DCDC2C: variants seen among roughly 807,000 people sequenced by gnomAD.
The protein encoded by DCDC2C is doublecortin domain containing 2C.
In DCDC2C, 44 loss-of-function variants were observed where a neutral mutation model predicts 45.0. The observed-to-expected ratio is 0.98, with a 90% CI of 0.77 to 1.26. The LOEUF (loss-of-function observed/expected upper bound fraction) is 1.26, where lower values mean the gene tolerates loss of function less well. Ranked by LOEUF, DCDC2C falls within the 50% of genes most tolerant of loss-of-function variation. DCDC2C has a pLI of 0.00. For missense variants in DCDC2C, 447 were observed against 468.9 expected (o/e 0.95, Z 0.43); for synonymous variants, 187 against 178.8 (o/e 1.05, Z -0.37).
chr2:3,755,494 A>C (rs1669680310), intron 6 of DCDC2C, among the ~76,000 whole-genome samples: 1 of 147,324 alleles, frequency 6.8e-6, no homozygotes, highest in Non-Finnish European at 1.5e-5. Flanking sequence ...TGTACACAGG[A>C]GTACACGTGT....
At position 3,703,912 on chromosome 2, in the gene DCDC2C, TG is replaced by T; in HGVS notation, c.163del (p.Asp55ThrfsTer46). On this transcript the variant is annotated frameshift_variant, in exon 1 of 11. Transcript: ENST00000399143. LOFTEE classifies it high-confidence loss of function. This position sits in a 1 kb window ranked among gnomAD's most constrained non-coding sequence, Gnocchi z 4.4. ...EALLEQLTEQ[V>X]DVPFGVRRLF... ...CTGCTGGAGCAGCTCACGGAGCAGG[TG>T]GACGTCCCGTTCGGCGTGCGCCGCC... is the stretch of plus-strand genomic sequence containing the variant. 1 of 1,341,612 alleles carries T rather than the reference TG, an allele frequency of 7.5e-7. No homozygotes were observed. Among genetic ancestry groups the T allele is most frequent in the Non-Finnish European group, 9.6e-7 (1 of 1,042,438 alleles). 83.1% of individuals were successfully genotyped at this position (1,341,612 alleles called of 1,614,324 possible). A position where few individuals can be genotyped will look rare whatever the true frequency, so the allele number is the denominator to read the frequency against.
At chr2:3,757,380 T>G (rs1669750044) in intron 6 of DCDC2C, among the ~76,000 whole-genome samples, 1 of 152,228 alleles carries the variant, frequency 6.6e-6, no homozygotes, top group Non-Finnish European at 1.5e-5. Flanking sequence ...CTTGGTGCTG[T>G]GCACATTCTA....
At chr2:3,749,039 T>G (rs755809577) in intron 4 of DCDC2C, among the ~76,000 whole-genome samples, 68 of 152,202 alleles carry the variant, frequency 4.5e-4, no homozygotes, top group Non-Finnish European at 4.6e-4. Flanking sequence ...ATAAATATTT[T>G]AAAATTCTTG....
In DCDC2C at chr2:3,785,084, A is replaced by G. The variant is rs1572615680; in HGVS notation, c.1049A>G (p.Glu350Gly). Reference protein sequence around the residue: ...NKDKEDARLCEDVERKMAREW... With the variant: ...NKDKEDARLCGDVERKMAREW... ...GATAAAGAAGATGCAAGGCTTTGTG[A>G]AGACGTTGAAAGAAAGGTTTGTATC... Residue 350 changes from glutamate to glycine, a missense_variant, in exon 10 of 11, where the codon GAA (glutamate) becomes GGA (glycine). Physicochemically the swap from Glu to Gly is moderately conservative, Grantham distance 98 (BLOSUM62 -2). Transcript: ENST00000399143. The G allele has an allele frequency of 4.9e-6, 6 of 1,231,624 alleles. No homozygotes were observed. The South Asian group carries it at 2.1e-4, about 42-fold the overall frequency. 76.3% of individuals were successfully genotyped at this position (1,231,624 alleles called of 1,614,324 possible).
At chr2:3,846,825 G>A (rs1572657854) in intron 10 of DCDC2C, among the ~76,000 whole-genome samples, 1 of 152,010 alleles carries the variant, frequency 6.6e-6, no homozygotes, top group East Asian at 1.9e-4. Context: ...GTGAGAAGGG[G>A]GAGAAGATGA....
At chr2:3,741,785 A>G (rs1297393591) in intron 3 of DCDC2C, 135 bp from the exon 4 acceptor site, 1 of 937,476 alleles carries the variant, frequency 1.1e-6, no homozygotes, top group Non-Finnish European at 1.5e-6. Context: ...CCAATAAGAC[A>G]TAGTATGAAG....
chr2:3,835,384 AAAG>A, intron 10 of DCDC2C, among the ~76,000 whole-genome samples: 1 of 152,324 alleles, frequency 6.6e-6, no homozygotes, highest in East Asian at 1.9e-4. Context: ...AAATCCTTTA[AAAG>A]AAGAATACAA....
At chr2:3,816,130 TTG>T (rs1671553491) in intron 10 of DCDC2C, among the ~76,000 whole-genome samples, 1 of 152,022 alleles carries the variant, frequency 6.6e-6, no homozygotes, top group Non-Finnish European at 1.5e-5. Flanking sequence ...AGGGGCGATA[TTG>T]TGGGGTTGTT....
intron 1 of DCDC2C, 124 bp from the exon 2 acceptor site, chr2:3,708,425 C>T: frequency 1.5e-6 from 1 of 651,450 alleles, no homozygotes; most frequent in Non-Finnish European, 2.5e-6. Context: ...ATTTTAGATC[C>T]TAGTTCCAAA....
intron 6 of DCDC2C, among the ~76,000 whole-genome samples, chr2:3,763,107 C>T (rs1427062336): frequency 1.3e-5 from 2 of 152,188 alleles, no homozygotes; most frequent in African/African-American, 4.8e-5. Context: ...CCTGGACCAC[C>T]ATTGATGCCC....
At chr2:3,798,415 G>A (rs1215210028) in intron 10 of DCDC2C, among the ~76,000 whole-genome samples, 1 of 151,324 alleles carries the variant, frequency 6.6e-6, no homozygotes, top group Non-Finnish European at 1.5e-5. Flanking sequence ...CTGTCATGAT[G>A]ATGTTAGCTG....
At chr2:3,803,844 A>G (rs1041229556) in intron 10 of DCDC2C, among the ~76,000 whole-genome samples, 2 of 152,202 alleles carry the variant, frequency 1.3e-5, no homozygotes, top group African/African-American at 4.8e-5. Flanking sequence ...TGGCTGGTGC[A>G]GGTCAGCCCC....
At chr2:3,783,599 G>A (rs762959365) in intron 9 of DCDC2C, among the ~76,000 whole-genome samples, 2 of 152,250 alleles carry the variant, frequency 1.3e-5, no homozygotes, top group Admixed American at 6.5e-5. Context: ...TGGTGTCATC[G>A]TTAGTGCCTT....
intron 10 of DCDC2C, among the ~76,000 whole-genome samples, chr2:3,811,832 G>A (rs957452912): frequency 3.9e-5 from 6 of 152,198 alleles, no homozygotes; most frequent in Non-Finnish European, 8.8e-5. Flanking sequence ...CATCTATTGA[G>A]ATAATCACAT....
At chr2:3,766,976 C>T (rs1206775406) in intron 6 of DCDC2C, among the ~76,000 whole-genome samples, 1 of 152,236 alleles carries the variant, frequency 6.6e-6, no homozygotes, top group Non-Finnish European at 1.5e-5. Context: ...ACGGCCACAG[C>T]TCCCTGTCAG....
intron 8 of DCDC2C, among the ~76,000 whole-genome samples, chr2:3,772,742 T>C (rs924285534): frequency 3.3e-5 from 5 of 152,250 alleles, no homozygotes; most frequent in Non-Finnish European, 1.5e-5. Flanking sequence ...ACACATACTT[T>C]TAATCATACA....
chr2:3,770,922 A>G (rs1572603191), intron 8 of DCDC2C, among the ~76,000 whole-genome samples: 2 of 152,210 alleles, frequency 1.3e-5, no homozygotes, highest in Non-Finnish European at 2.9e-5. Context: ...GGGATGCTCC[A>G]CCCACCAGCC....
chr2:3,753,032 T>G (rs1669586805), intron 5 of DCDC2C, 132 bp downstream of exon 5: 3 of 1,072,956 alleles, frequency 2.8e-6, no homozygotes, highest in Non-Finnish European at 3.9e-6. Context: ...TCTTATTTAA[T>G]GTATGATACA....
chr2:3,814,008 C>T (rs1366249026), intron 10 of DCDC2C, among the ~76,000 whole-genome samples: 1 of 152,068 alleles, frequency 6.6e-6, no homozygotes, highest in Non-Finnish European at 1.5e-5. Context: ...TTCACAGTGC[C>T]ACTGGTCTGT....
Sources: allele counts gnomAD v4.1 joint callset (sites outside exome capture counted in the v4.1 genomes callset), GRCh38; gene constraint gnomAD v4.1.1; non-coding constraint Gnocchi (gnomAD v3.1); transcripts MANE v1.5; gene names NCBI Gene and HGNC (gene_info 2026-07-23, HGNC 2026-07-21).